COPZ1: variants seen among roughly 807,000 people sequenced by gnomAD.
The protein encoded by COPZ1 is coatomer subunit zeta-1.
Under a neutral mutation model 31.7 loss-of-function variants are expected in COPZ1, and 4 were observed. The observed-to-expected ratio is 0.13, with a 90% CI of 0.06 to 0.29. The LOEUF is 0.29. Among genes scored for constraint, COPZ1 ranks in the 10% least tolerant of loss-of-function variants. The pLI is 1.00. For missense variants in COPZ1, 156 were observed against 211.5 expected, an observed-to-expected ratio of 0.74 and a Z score of 1.63; for synonymous variants, 74 against 79.0, an observed-to-expected ratio of 0.94 and a Z score of 0.33.
At chr12:54,341,329 T>A (rs1953969539) in intron 2 of COPZ1, among the ~76,000 whole-genome samples, 1 of 152,140 alleles carries the variant, frequency 6.6e-6, no homozygotes, top group Non-Finnish European at 1.5e-5. Flanking sequence ...CCCAGAGTGA[T>A]GTTTCCAACT....
intron 5 of COPZ1, among the ~76,000 whole-genome samples, chr12:54,345,732 C>T (rs772695588): frequency 2.0e-5 from 3 of 151,870 alleles, no homozygotes; most frequent in Non-Finnish European, 2.9e-5. Context: ...CCAAGGCGGG[C>T]GGATCATGAG....
intron 5 of COPZ1, among the ~76,000 whole-genome samples, chr12:54,345,890 G>A (rs1954053858): frequency 6.6e-6 from 1 of 151,308 alleles, no homozygotes; most frequent in Non-Finnish European, 1.5e-5. Flanking sequence ...CTGGGAGGCG[G>A]AGCTTGCAGT....
At chr12:54,340,873 G>T (rs1286860108) in intron 2 of COPZ1, among the ~76,000 whole-genome samples, 1 of 151,910 alleles carries the variant, frequency 6.6e-6, no homozygotes, top group Non-Finnish European at 1.5e-5. Context: ...CTAATTTTTT[G>T]TATCTTTAGT....
intron 1 of COPZ1, among the ~76,000 whole-genome samples, chr12:54,333,231 A>G (rs1418542020): frequency 6.6e-6 from 1 of 151,992 alleles, no homozygotes; most frequent in East Asian, 1.9e-4. Flanking sequence ...TTTTTAGTAG[A>G]GACAGGGTTT....
At chr12:54,326,961 CTTTTTTTTT>C (rs60827109) in intron 1 of COPZ1, among the ~76,000 whole-genome samples, 11 of 43,564 alleles carry the variant, frequency 2.5e-4, no homozygotes, top group East Asian at 1.6e-3. Flanking sequence ...AACAAGTATT[CTTTTTTTTT>C]TTTTTTTTTT....
At chr12:54,346,785 G>A in intron 5 of COPZ1, 1 of 615,356 alleles carries the variant, frequency 1.6e-6, no homozygotes, top group Middle Eastern at 3.3e-4. Context: ...GAGCCCAGGA[G>A]GTTGAGGCTG....
chr12:54,333,167 C>T (rs2137089897), intron 1 of COPZ1, among the ~76,000 whole-genome samples: 1 of 152,256 alleles, frequency 6.6e-6, no homozygotes, highest in South Asian at 2.1e-4. Context: ...CCTCAGCCTC[C>T]TGAATAGCTG....
chr12:54,328,790 G>T (rs1708539289), intron 1 of COPZ1, among the ~76,000 whole-genome samples: 1 of 152,166 alleles, frequency 6.6e-6, no homozygotes, highest in African/African-American at 2.4e-5. Context: ...CCTATGTAAT[G>T]CGGTTAGGGA....
At chr12:54,343,136 C>A in intron 3 of COPZ1, 89 bp from the exon 4 acceptor site, 2 of 998,802 alleles carry the variant, frequency 2.0e-6, no homozygotes, top group Non-Finnish European at 3.2e-6. Flanking sequence ...GGATTACAGG[C>A]ATGAGCCACT....
At chr12:54,331,707 G>A (rs1210510308) in intron 1 of COPZ1, among the ~76,000 whole-genome samples, 1 of 152,024 alleles carries the variant, frequency 6.6e-6, no homozygotes, top group Admixed American at 6.6e-5. Flanking sequence ...TTTGTTTTCA[G>A]GAGCAAAAGC....
chr12:54,348,088 A>G, intron 7 of COPZ1, 37 bp downstream of exon 7: 1 of 1,604,632 alleles, frequency 6.2e-7, no homozygotes, highest in Non-Finnish European at 8.5e-7. Context: ...CCCCGCATCT[A>G]TTCACAAACA....
chr12:54,346,539 C>A (rs1954066646), intron 5 of COPZ1: 2 of 681,616 alleles, frequency 2.9e-6, no homozygotes, highest in Non-Finnish European at 5.4e-6. Flanking sequence ...TCCCAAAGTG[C>A]TGGGATTATA....
chr12:54,330,117 G>A (rs1296278141), intron 1 of COPZ1, among the ~76,000 whole-genome samples: 3 of 152,050 alleles, frequency 2.0e-5, no homozygotes, highest in South Asian at 2.1e-4. Flanking sequence ...TCATTCCTGC[G>A]CTGTGGAGAT....
At chr12:54,348,218 C>G in intron 7 of COPZ1, 167 bp downstream of exon 7, 1 of 624,894 alleles carries the variant, frequency 1.6e-6, no homozygotes, top group Non-Finnish European at 2.8e-6. Flanking sequence ...CTTATTGTCC[C>G]AAAGAAAGAA....
At chr12:54,336,391 A>G (rs1953864063) in intron 1 of COPZ1, among the ~76,000 whole-genome samples, 1 of 152,030 alleles carries the variant, frequency 6.6e-6, no homozygotes, top group African/African-American at 2.4e-5. Context: ...AATACAAAAA[A>G]TTAGCCGGGC....
chr12:54,346,200 T>C (rs188848452), intron 5 of COPZ1, among the ~76,000 whole-genome samples: 2 of 151,804 alleles, frequency 1.3e-5, no homozygotes, highest in Admixed American at 1.3e-4. Flanking sequence ...AGGCCAAGCA[T>C]AAGGAAGTGT....
intron 1 of COPZ1, among the ~76,000 whole-genome samples, chr12:54,325,961 G>A (rs1455732029): frequency 6.6e-6 from 1 of 151,236 alleles, no homozygotes; most frequent in Non-Finnish European, 1.5e-5. Flanking sequence ...TGGGACTATA[G>A]GCGCGTGCCA....
At chr12:54,349,199 T>C (rs1027189800) in intron 7 of COPZ1, among the ~76,000 whole-genome samples, 3 of 152,208 alleles carry the variant, frequency 2.0e-5, no homozygotes, top group Admixed American at 6.5e-5. Flanking sequence ...ATTAACATGC[T>C]GTCGTTACCC....
chr12:54,342,104 C>A, intron 2 of COPZ1, 102 bp from the exon 3 acceptor site: 1 of 815,552 alleles, frequency 1.2e-6, no homozygotes, highest in South Asian at 1.4e-5. Flanking sequence ...TGCCCCATGC[C>A]TTGAAGGAGA....
Sources: gnomAD v4.1 joint callset for allele counts (sites outside exome capture counted in the v4.1 genomes callset) on GRCh38, gnomAD v4.1.1 for gene constraint, MANE v1.5 for transcripts, NCBI Gene and HGNC (gene_info 2026-07-23, HGNC 2026-07-21) for gene names.